PKHD1: variants seen among roughly 807,000 people sequenced by gnomAD.
PKHD1 encodes the protein PKHD1 ciliary IPT domain containing fibrocystin/polyductin, also known as fibrocystin.
A neutral mutation model predicts 412.0 loss-of-function variants in PKHD1; 291 were observed. That is an observed-to-expected ratio of 0.71 (90% CI 0.64 to 0.78). The LOEUF is 0.78. Ranked by LOEUF, PKHD1 falls within the 30% of genes least tolerant of loss-of-function variation. The pLI is 0.00. For synonymous variants in PKHD1, 1,777 were observed against 1,821.5 expected (o/e 0.98, Z 0.62); for missense variants, 4,825 against 4,950.7 (o/e 0.97, Z 0.76).
At chr6:51,644,851 C>A (rs902505206) in intron 63 of PKHD1, among the ~76,000 whole-genome samples, 1 of 152,046 alleles carries the variant, frequency 6.6e-6, no homozygotes, top group Non-Finnish European at 1.5e-5. Context: ...ACCTAATTTT[C>A]GTATTATTAG....
intron 20 of PKHD1, among the ~76,000 whole-genome samples, chr6:52,053,803 C>G (rs1562240941): frequency 6.6e-6 from 1 of 152,204 alleles, no homozygotes. Flanking sequence ...CTACGCTGTT[C>G]TACAATTCTA....
intron 21 of PKHD1, among the ~76,000 whole-genome samples, chr6:52,051,497 G>A (rs1562235430): frequency 6.6e-6 from 1 of 152,156 alleles, no homozygotes; most frequent in Non-Finnish European, 1.5e-5. Flanking sequence ...ATGTGATAAA[G>A]TGGGAGGCAG....
At chr6:51,823,684 G>GAATTTATTC (rs1766841412) in intron 52 of PKHD1, among the ~76,000 whole-genome samples, 1 of 152,014 alleles carries the variant, frequency 6.6e-6, no homozygotes, top group Non-Finnish European at 1.5e-5. Flanking sequence ...TTCTGTCACA[G>GAATTTATTC]GGAAAAATGC....
At chr6:51,849,966 C>T (rs939624673) in intron 49 of PKHD1, among the ~76,000 whole-genome samples, 1 of 152,180 alleles carries the variant, frequency 6.6e-6, no homozygotes, top group African/African-American at 2.4e-5. Context: ...GAAGTCTTTG[C>T]CTATGCCTAT....
intron 35 of PKHD1, among the ~76,000 whole-genome samples, chr6:51,980,910 C>T (rs931268913): frequency 2.0e-5 from 3 of 152,142 alleles, no homozygotes; most frequent in Non-Finnish European, 2.9e-5. Context: ...AACTAGATTC[C>T]TTTAAATATC....
chr6:51,702,158 T>TATATATTATATGTATAATATATA (rs1562129381), intron 60 of PKHD1, among the ~76,000 whole-genome samples: 2 of 146,366 alleles, frequency 1.4e-5, no homozygotes, highest in African/African-American at 5.0e-5. Context: ...TTATATATTA[T>TATATATTATATGTATAATATATA]ATATATTATA....
At chr6:51,741,705 C>T (rs1784579177) in intron 60 of PKHD1, among the ~76,000 whole-genome samples, 1 of 152,162 alleles carries the variant, frequency 6.6e-6, no homozygotes, top group South Asian at 2.1e-4. Context: ...GGCCTTATTT[C>T]TTTTCCTAGG....
chr6:51,626,024 G>GA (rs1437673775), intron 66 of PKHD1, among the ~76,000 whole-genome samples: 3 of 151,564 alleles, frequency 2.0e-5, no homozygotes, highest in South Asian at 2.1e-4. Context: ...TGGGAAAATT[G>GA]AAAAAAACAA....
intron 52 of PKHD1, 77 bp from the exon 53 acceptor site, chr6:51,791,450 G>T: frequency 7.4e-7 from 1 of 1,350,928 alleles, no homozygotes; most frequent in Non-Finnish European, 1.1e-6. Context: ...TCTCCCAGCA[G>T]TTTGGGAGCT....
At chr6:52,058,074 A>C (rs1423107461) in intron 16 of PKHD1, among the ~76,000 whole-genome samples, 3 of 152,210 alleles carry the variant, frequency 2.0e-5, no homozygotes, top group African/African-American at 7.2e-5. Context: ...TCTGGGAAAT[A>C]AGTTTCTAAA....
At chr6:51,907,430 T>C (rs948300905) in intron 40 of PKHD1, among the ~76,000 whole-genome samples, 3 of 152,136 alleles carry the variant, frequency 2.0e-5, no homozygotes, top group Admixed American at 6.6e-5. Context: ...CCCATCCATA[T>C]CTACTTCTGT....
intron 60 of PKHD1, among the ~76,000 whole-genome samples, chr6:51,704,027 A>G (rs927398383): frequency 6.6e-6 from 1 of 152,016 alleles, no homozygotes; most frequent in Non-Finnish European, 1.5e-5. Context: ...AGCCATGCCA[A>G]TACTGACAGG....
intron 18 of PKHD1, 34 bp from the exon 19 acceptor site, chr6:52,055,763 C>A: frequency 6.2e-7 from 1 of 1,610,454 alleles, no homozygotes; most frequent in South Asian, 1.1e-5. Flanking sequence ...GAAAGGCAGG[C>A]ATAGATATTA....
rs1796370658 is a variant in PKHD1 at position 51,987,645 on chromosome 6, A to G, written c.5751+22664T>C. ...GAGGAAAATATAGCCTCAGAAACAG[A>G]AAGGTTAAATCAGACTGAATCTCCA... On this transcript the variant is annotated intron_variant, in intron 35 of 66. Coordinates refer to ENST00000371117, the MANE Select transcript of PKHD1 (RefSeq NM_138694.4). Among the ~76,000 whole-genome samples the G allele has an allele frequency of 2.0e-5, 3 of 152,198 alleles. No individual in the cohort carries two copies. In the South Asian group the frequency reaches 6.2e-4, roughly 31 times the overall value.
At chr6:52,048,369 G>A in intron 23 of PKHD1, 123 bp downstream of exon 23, 1 of 1,043,082 alleles carries the variant, frequency 9.6e-7, no homozygotes, top group Middle Eastern at 2.0e-4. Flanking sequence ...TCAGACACTG[G>A]AAAATAAATA....
intron 35 of PKHD1, among the ~76,000 whole-genome samples, chr6:51,962,505 C>G (rs1030875999): frequency 6.6e-6 from 1 of 152,066 alleles, no homozygotes; most frequent in African/African-American, 2.4e-5. Context: ...CTTGGCCTAG[C>G]CTGTCAGCCT....
At chr6:51,939,023 T>C (rs2499462) in intron 36 of PKHD1, among the ~76,000 whole-genome samples, 105,262 of 151,310 alleles carry the variant, frequency 0.7, 37,914 homozygotes, top group East Asian at 0.94. Context: ...AGGAAGACAG[T>C]CTTCCCTTGG....
intron 60 of PKHD1, among the ~76,000 whole-genome samples, chr6:51,675,596 A>G (rs538702688): frequency 1.6e-4 from 24 of 152,284 alleles, no homozygotes; most frequent in Admixed American, 3.3e-4. Context: ...TCCTCATGAA[A>G]ATCCAGGCAG....
intron 60 of PKHD1, among the ~76,000 whole-genome samples, chr6:51,718,027 C>T (rs1290580656): frequency 2.6e-5 from 4 of 152,202 alleles, no homozygotes; most frequent in African/African-American, 9.7e-5. Context: ...CTAAGGAAGC[C>T]TTGCTAAATG....
Sources: allele counts gnomAD v4.1 joint callset (sites outside exome capture counted in the v4.1 genomes callset), GRCh38; gene constraint gnomAD v4.1.1; transcripts MANE v1.5; gene names NCBI Gene and HGNC (gene_info 2026-07-23, HGNC 2026-07-21).